PRKAR2B: variants seen among roughly 807,000 people sequenced by gnomAD.
The protein encoded by PRKAR2B is cAMP-dependent protein kinase type II-beta regulatory subunit.
In PRKAR2B, 14 loss-of-function variants were observed where a neutral mutation model predicts 49.9. The observed-to-expected ratio is 0.28, with a 90% CI of 0.19 to 0.44. The LOEUF (loss-of-function observed/expected upper bound fraction) is 0.44, where lower values mean the gene tolerates loss of function less well. Among genes scored for constraint, PRKAR2B ranks in the 20% least tolerant of loss-of-function variants. The pLI is 1.00. For missense variants in PRKAR2B, 393 were observed against 537.9 expected, an observed-to-expected ratio of 0.73 and a Z score of 2.67; for synonymous variants, 196 against 197.7, an observed-to-expected ratio of 0.99 and a Z score of 0.07.
At chr7:107,109,922 A>G (rs967854735) in intron 2 of PRKAR2B, among the ~76,000 whole-genome samples, 1 of 152,166 alleles carries the variant, frequency 6.6e-6, no homozygotes, top group African/African-American at 2.4e-5. Flanking sequence ...TTGAACAACT[A>G]TCCAAAAGAA....
intron 8 of PRKAR2B, among the ~76,000 whole-genome samples, chr7:107,156,728 C>G (rs1796099312): frequency 6.6e-6 from 1 of 151,920 alleles, no homozygotes. Flanking sequence ...ATGGTGTGAA[C>G]CCGGGAGGTG....
chr7:107,141,022 G>A (rs1311894758), intron 5 of PRKAR2B, 69 bp downstream of exon 5: 2 of 1,126,646 alleles, frequency 1.8e-6, no homozygotes, highest in Non-Finnish European at 2.7e-6. Flanking sequence ...CCATTATTAC[G>A]GCAACTGACA....
chr7:107,047,556 G>C (rs550315327), intron 1 of PRKAR2B, among the ~76,000 whole-genome samples: 1 of 151,346 alleles, frequency 6.6e-6, no homozygotes, highest in East Asian at 1.9e-4. Flanking sequence ...AGTCAAAATA[G>C]TACCATTGGG....
intron 4 of PRKAR2B, chr7:107,133,499 T>C (rs1238360481): frequency 6.6e-6 from 1 of 152,220 alleles, no homozygotes; most frequent in African/African-American, 2.4e-5. Context: ...CTTTAGAATT[T>C]TGATTGGTGA....
intron 2 of PRKAR2B, among the ~76,000 whole-genome samples, chr7:107,107,765 C>T (rs1463101934): frequency 2.0e-5 from 3 of 151,972 alleles, no homozygotes; most frequent in African/African-American, 7.3e-5. Context: ...TCAAGCAATT[C>T]TCCGGCCTCA....
chr7:107,097,211 A>T (rs990727792), intron 2 of PRKAR2B, among the ~76,000 whole-genome samples: 6 of 152,198 alleles, frequency 3.9e-5, no homozygotes, highest in African/African-American at 1.4e-4. Flanking sequence ...GGGTGCATAT[A>T]CATTTAGGAT....
intron 2 of PRKAR2B, among the ~76,000 whole-genome samples, chr7:107,100,617 A>G (rs539465895): frequency 4.6e-5 from 7 of 152,134 alleles, no homozygotes; most frequent in African/African-American, 7.2e-5. Flanking sequence ...TGGAACTTCT[A>G]TTATACTTAG....
At chr7:107,084,254 A>G (rs2116792301) in intron 2 of PRKAR2B, among the ~76,000 whole-genome samples, 1 of 152,242 alleles carries the variant, frequency 6.6e-6, no homozygotes, top group African/African-American at 2.4e-5. Context: ...TGTTCTTTAT[A>G]TTTTAATCAA....
intron 2 of PRKAR2B, among the ~76,000 whole-genome samples, chr7:107,119,912 A>G (rs984943408): frequency 6.6e-6 from 1 of 152,190 alleles, no homozygotes; most frequent in African/African-American, 2.4e-5. Context: ...TGAAGGCTGA[A>G]GTCCAGGAAT....
chr7:107,081,978 C>T (rs994602339), intron 2 of PRKAR2B: 1 of 152,150 alleles, frequency 6.6e-6, no homozygotes, highest in Non-Finnish European at 1.5e-5. Context: ...ATATGCATTG[C>T]CTAACAGAGT....
chr7:107,081,306 A>AT (rs1004714608), intron 2 of PRKAR2B, among the ~76,000 whole-genome samples: 1 of 152,168 alleles, frequency 6.6e-6, no homozygotes, highest in African/African-American at 2.4e-5. Context: ...CCCTCATCAT[A>AT]AACTGTATTT....
chr7:107,136,295 G>A (rs1481347357), intron 4 of PRKAR2B, among the ~76,000 whole-genome samples: 1 of 152,144 alleles, frequency 6.6e-6, no homozygotes, highest in Non-Finnish European at 1.5e-5. Flanking sequence ...AACACCAAAG[G>A]CACATCCATG....
chr7:107,126,863 A>C (rs1355455212), intron 3 of PRKAR2B, among the ~76,000 whole-genome samples: 1 of 152,130 alleles, frequency 6.6e-6, no homozygotes, highest in Non-Finnish European at 1.5e-5. Flanking sequence ...TCATCTTAGA[A>C]TCTAGTTTGA....
chr7:107,153,213 A>T lies in PRKAR2B; in HGVS notation c.880A>T (p.Thr294Ser), dbSNP rs1796020342. The T allele has an allele frequency of 1.9e-6, 3 of 1,609,878 alleles. No individual in the cohort carries two copies. Among genetic ancestry groups the T allele is most frequent in the Non-Finnish European group, 2.5e-6 (3 of 1,178,056 alleles). ...ERLKVVDVIGTKVYNDGEQII... is the reference protein window; with the variant it reads ...ERLKVVDVIGSKVYNDGEQII... ...CCTGAAAGTAGTAGATGTGATAGGC[A>T]CCAAAGTATACAACGATGGAGAACA... Residue 294 changes from threonine to serine, a missense_variant, in exon 8 of 11, where the codon ACC becomes TCC. Thr to Ser is a moderately conservative substitution (Grantham distance 58). This residue lies in a region of PRKAR2B where 233 missense variants were observed against 390.4 expected (regional missense o/e 0.60). Transcript: ENST00000265717.
chr7:107,076,283 C>T (rs901869059), intron 2 of PRKAR2B, among the ~76,000 whole-genome samples: 3 of 152,194 alleles, frequency 2.0e-5, no homozygotes, highest in Admixed American at 6.5e-5. Flanking sequence ...ACTATTATCT[C>T]ATACAGAGTT....
At chr7:107,128,821 T>A (rs1186156335) in intron 4 of PRKAR2B, 1 of 139,364 alleles carries the variant, frequency 7.2e-6, no homozygotes, top group Non-Finnish European at 1.6e-5. Context: ...TTTATAAGGA[T>A]TTGGAAATCT....
chr7:107,126,295 C>T (rs1260833863), intron 3 of PRKAR2B, among the ~76,000 whole-genome samples: 1 of 147,080 alleles, frequency 6.8e-6, no homozygotes, highest in African/African-American at 2.5e-5. Context: ...GTGGCAGGCA[C>T]CTGTAGTCCC....
At chr7:107,152,248 A>G (rs1232739704) in intron 7 of PRKAR2B, among the ~76,000 whole-genome samples, 1 of 152,154 alleles carries the variant, frequency 6.6e-6, no homozygotes, top group Admixed American at 6.5e-5. Context: ...GGCTCTGCAC[A>G]GACTGTCCCA....
intron 2 of PRKAR2B, among the ~76,000 whole-genome samples, chr7:107,112,174 TAAAAA>T (rs749209141): frequency 4.5e-5 from 2 of 44,762 alleles, no homozygotes; most frequent in Non-Finnish European, 8.0e-5. Context: ...ACTGTGTCTC[TAAAAA>T]AAAAAAAAAA....
Sources: gnomAD v4.1 joint callset for allele counts (sites outside exome capture counted in the v4.1 genomes callset) on GRCh38, gnomAD v4.1.1 for gene constraint, gnomAD v4.1.1 regional missense constraint, MANE v1.5 for transcripts, NCBI Gene and HGNC (gene_info 2026-07-23, HGNC 2026-07-21) for gene names.